The following NRG1 variants were observed in gnomAD, a reference collection of about 807,000 sequenced individuals.
NRG1 encodes the protein neuregulin 1.
Under a neutral mutation model 63.8 loss-of-function variants are expected in NRG1, and 18 were observed. That is an observed-to-expected ratio of 0.28 (90% CI 0.19 to 0.42). NRG1 has a LOEUF of 0.42. Among genes scored for constraint, NRG1 ranks in the 10% least tolerant of loss-of-function variants. The pLI is 1.00. For synonymous variants in NRG1, 302 were observed against 301.3 expected (o/e 1.00, Z -0.02); for missense variants, 762 against 814.7 (o/e 0.94, Z 0.79).
At chr8:32,378,835 G>A (rs1809973512) in intron 1 of NRG1, among the ~76,000 whole-genome samples, 1 of 137,250 alleles carries the variant, frequency 7.3e-6, no homozygotes, top group Non-Finnish European at 1.5e-5. Context: ...TGTTCTCATT[G>A]TTCAATTCCC....
rs35663919 is a variant in NRG1 at position 32,747,732 on chromosome 8, G to GTATATATATATATA, written c.691+5012_691+5025dup. Among the ~76,000 whole-genome samples the GTATATATATATATA allele has an allele frequency of 2.0e-3, 270 of 132,074 alleles. 4 individuals carry two copies. The highest frequency in any genetic ancestry group is 0.011 in the South Asian group (47 of 4,092). 86.6% of individuals were successfully genotyped at this position (132,074 alleles called of 152,430 possible). On this transcript the variant is annotated intron_variant, in intron 7 of 11. Coordinates refer to ENST00000356819, the Ensembl canonical transcript of NRG1. The stretch of plus-strand genomic sequence containing the variant: ...TGTTTGTGTGCATATATGTGTGTGT[G>GTATATATATATATA]TATATATATATATATATATATATAT...
intron 1 of NRG1, among the ~76,000 whole-genome samples, chr8:31,910,558 A>G (rs1585683513): frequency 6.6e-6 from 1 of 152,164 alleles, no homozygotes; most frequent in African/African-American, 2.4e-5. Flanking sequence ...AAAGAATTCC[A>G]CTGTGGAAAT....
At chr8:31,641,660 T>G (rs2130831079) in intron 1 of NRG1, 1 of 152,360 alleles carries the variant, frequency 6.6e-6, no homozygotes, top group South Asian at 2.1e-4. Flanking sequence ...TATAATTTCC[T>G]GATTACTATA....
intron 5 of NRG1, among the ~76,000 whole-genome samples, chr8:32,662,288 C>T (rs1408597072): frequency 1.3e-5 from 2 of 152,164 alleles, no homozygotes; most frequent in East Asian, 1.9e-4. Context: ...AAGAATGTTC[C>T]AGACTCTGGG....
chr8:32,049,013 A>T (rs1025322925), intron 1 of NRG1, among the ~76,000 whole-genome samples: 1 of 151,974 alleles, frequency 6.6e-6, no homozygotes, highest in African/African-American at 2.4e-5. Flanking sequence ...TTTTTTCAGG[A>T]TGCTCTTTTC....
intron 1 of NRG1, among the ~76,000 whole-genome samples, chr8:31,760,895 G>C (rs908239424): frequency 3.1e-4 from 47 of 152,122 alleles, no homozygotes; most frequent in African/African-American, 1.0e-3. Context: ...TCACTGTGGC[G>C]ATTCCTCAGG....
intron 1 of NRG1, among the ~76,000 whole-genome samples, chr8:31,950,361 C>G (rs1803272856): frequency 6.6e-6 from 1 of 152,056 alleles, no homozygotes; most frequent in Non-Finnish European, 1.5e-5. Flanking sequence ...CTTTTGGAGA[C>G]AGTAAATCAT....
intron 1 of NRG1, among the ~76,000 whole-genome samples, chr8:31,892,693 C>G (rs1472133110): frequency 6.6e-6 from 1 of 151,900 alleles, no homozygotes; most frequent in Non-Finnish European, 1.5e-5. Flanking sequence ...ATCACGTTGG[C>G]CATTTAATCA....
chr8:32,225,806 G>T, intron 1 of NRG1, among the ~76,000 whole-genome samples: 1 of 152,108 alleles, frequency 6.6e-6, no homozygotes, highest in Non-Finnish European at 1.5e-5. Context: ...CTGAAGATGG[G>T]GAAAGTGTAG....
At chr8:32,070,214 A>C (rs1825549504) in intron 1 of NRG1, among the ~76,000 whole-genome samples, 1 of 152,174 alleles carries the variant, frequency 6.6e-6, no homozygotes, top group African/African-American at 2.4e-5. Flanking sequence ...GCGGTACAAA[A>C]TCTACCATGG....
intron 1 of NRG1, among the ~76,000 whole-genome samples, chr8:31,835,307 C>A (rs1825590109): frequency 6.6e-6 from 1 of 152,178 alleles, no homozygotes; most frequent in Non-Finnish European, 1.5e-5. Flanking sequence ...AATTCTCATT[C>A]ATTCTGTAAA....
At chr8:32,364,834 T>C (rs1017603658) in intron 1 of NRG1, among the ~76,000 whole-genome samples, 3 of 152,170 alleles carry the variant, frequency 2.0e-5, no homozygotes, top group African/African-American at 7.2e-5. Flanking sequence ...AAAATTTTAA[T>C]ATTTAATTAT....
chr8:32,161,899 G>A (rs571304449), intron 1 of NRG1, among the ~76,000 whole-genome samples: 44 of 152,326 alleles, frequency 2.9e-4, no homozygotes, highest in African/African-American at 1.0e-3. Flanking sequence ...GCTTTGGTTT[G>A]AAAGTGACAT....
At chr8:32,243,232 T>C (rs1256043424) in intron 1 of NRG1, among the ~76,000 whole-genome samples, 1 of 152,100 alleles carries the variant, frequency 6.6e-6, no homozygotes. Flanking sequence ...GAGACGAGCC[T>C]GGCCAACATG....
At position 32,605,715 on chromosome 8, in the gene NRG1, A is replaced by G. The variant is rs185086954; in HGVS notation, c.400+32A>G. 176 of 1,609,400 alleles carry G rather than the reference A, an allele frequency of 1.1e-4. 1 individual carries two copies. The African/African-American group carries it at 1.7e-3, about 16-fold the overall frequency. On this transcript the variant is annotated intron_variant, in intron 3 of 11. Coordinates refer to ENST00000356819, the Ensembl canonical transcript of NRG1. ...GATACCTACGGTATTCTGTTCCTCA[A>G]TCTGTAACAAGAGTAATCAAAACAT...
chr8:32,089,509 T>A (rs957847188), intron 1 of NRG1, among the ~76,000 whole-genome samples: 6 of 150,520 alleles, frequency 4.0e-5, no homozygotes, highest in African/African-American at 9.8e-5. Context: ...AAACGGAAAA[T>A]TTTTTTTTTA....
chr8:32,237,783 A>G (rs1165163166), intron 1 of NRG1, among the ~76,000 whole-genome samples: 1 of 151,874 alleles, frequency 6.6e-6, no homozygotes, highest in Non-Finnish European at 1.5e-5. Flanking sequence ...GGTTATTGTT[A>G]TCATTTCGTT....
At chr8:31,769,437 T>A in intron 1 of NRG1, among the ~76,000 whole-genome samples, 1 of 152,214 alleles carries the variant, frequency 6.6e-6, no homozygotes, top group Middle Eastern at 3.2e-3. Context: ...GCTTGTCCAC[T>A]TTCTTTCATT....
chr8:32,530,757 C>T (rs1831377669), intron 1 of NRG1, among the ~76,000 whole-genome samples: 1 of 152,122 alleles, frequency 6.6e-6, no homozygotes, highest in South Asian at 2.1e-4. Context: ...GGACAAACTA[C>T]CTATTAATAA....
Sources: allele counts gnomAD v4.1 joint callset (sites outside exome capture counted in the v4.1 genomes callset), GRCh38; gene constraint gnomAD v4.1.1; transcripts MANE v1.5; gene names NCBI Gene and HGNC (gene_info 2026-07-23, HGNC 2026-07-21).